AOAH: variants seen among roughly 807,000 people sequenced by gnomAD.
AOAH encodes the protein acyloxyacyl hydrolase (neutrophil).
AOAH carries 64 observed loss-of-function variants against 92.2 expected under a neutral mutation model. That is an observed-to-expected ratio of 0.69 (90% CI 0.57 to 0.86). The LOEUF is 0.86. Ranked by LOEUF, AOAH falls within the 40% of genes least tolerant of loss-of-function variation. AOAH has a pLI of 0.00. For synonymous variants in AOAH, 263 were observed against 254.5 expected (o/e 1.03, Z -0.32); for missense variants, 656 against 694.6 (o/e 0.94, Z 0.62).
At chr7:36,534,105 T>G (rs6970025) in intron 16 of AOAH, among the ~76,000 whole-genome samples, 148,911 of 152,268 alleles carry the variant, frequency 0.98, 72,915 homozygotes, top group East Asian at 1. Context: ...GGCCTGGATT[T>G]CTTTGATATC....
intron 1 of AOAH, among the ~76,000 whole-genome samples, chr7:36,722,936 A>AC: frequency 3.0e-5 from 1 of 33,386 alleles, no homozygotes; most frequent in Non-Finnish European, 6.6e-5. Flanking sequence ...TCCATCTCAG[A>AC]AAAAAAAAAA....
In AOAH at chr7:36,686,685, C is replaced by A. The variant is rs139716149; in HGVS notation, c.223+14G>T. The A allele has an allele frequency of 1.3e-6, 2 of 1,487,966 alleles. No homozygotes were observed. The highest frequency in any genetic ancestry group is 4.4e-5 in the Admixed American group (2 of 45,710). The allele number at this position is 1,487,966 out of a possible 1,614,324, so 92.2% of individuals were successfully genotyped here. A position where few individuals can be genotyped will look rare whatever the true frequency, so the allele number is the denominator to read the frequency against. ...CAAGCAGACCCTCAGCAGTATGACT[C>A]GTCCCATATTTACCAGGCAGGTAGC... On this transcript the variant is annotated intron_variant, in intron 2 of 20. Transcript: ENST00000617537.
intron 2 of AOAH, among the ~76,000 whole-genome samples, chr7:36,675,732 C>G (rs1206853236): frequency 1.3e-5 from 2 of 152,116 alleles, no homozygotes; most frequent in Admixed American, 1.3e-4. Context: ...AATATAACCA[C>G]AAAGATCCTC....
intron 1 of AOAH, among the ~76,000 whole-genome samples, chr7:36,688,825 G>GTA (rs1450454561): frequency 6.7e-6 from 1 of 150,364 alleles, no homozygotes; most frequent in African/African-American, 2.5e-5. Flanking sequence ...ATATTTATGT[G>GTA]TATATATACA....
chr7:36,722,649 T>G (rs1799702007), intron 1 of AOAH, among the ~76,000 whole-genome samples: 1 of 151,836 alleles, frequency 6.6e-6, no homozygotes, highest in African/African-American at 2.4e-5. Context: ...AAACAAGACT[T>G]TGGAGGCTGG....
At chr7:36,658,584 A>T (rs1795022303) in intron 4 of AOAH, among the ~76,000 whole-genome samples, 1 of 152,232 alleles carries the variant, frequency 6.6e-6, no homozygotes. Flanking sequence ...TAATAATGTT[A>T]TCAATAATGA....
chr7:36,620,177 A>C (rs1208973676), intron 9 of AOAH, among the ~76,000 whole-genome samples: 2 of 152,204 alleles, frequency 1.3e-5, no homozygotes, highest in Non-Finnish European at 1.5e-5. Context: ...TTAAGTAGAT[A>C]TTCTTTTTTT....
At chr7:36,564,652 G>A (rs1787551996) in intron 13 of AOAH, among the ~76,000 whole-genome samples, 1 of 152,220 alleles carries the variant, frequency 6.6e-6, no homozygotes, top group Non-Finnish European at 1.5e-5. Context: ...AGGACATCCC[G>A]CTAGGACTTC....
chr7:36,548,530 A>G (rs1785956236), intron 15 of AOAH, 82 bp downstream of exon 15: 1 of 1,163,488 alleles, frequency 8.6e-7, no homozygotes, highest in Non-Finnish European at 1.3e-6. Context: ...AGGCTGCTAT[A>G]ATGGAGTGGA....
intron 5 of AOAH, among the ~76,000 whole-genome samples, chr7:36,637,375 A>G (rs73687595): frequency 0.03 from 4,640 of 152,242 alleles, 236 homozygotes; most frequent in African/African-American, 0.11. Context: ...ACCGTGCTTA[A>G]GGTCACATTT....
Position 36,724,217 on chromosome 7 carries a change from G to T in AOAH, c.-69C>A. ...CCCAACTGAGGGATGCTGGAGCTGA[G>T]GCTGCAGAATCAATTGATCTCTCTC... On this transcript the variant is annotated 5_prime_UTR_variant, in exon 1 of 21. Transcript: ENST00000617537. The T allele has an allele frequency of 6.3e-7, 1 of 1,585,310 alleles. No individual in the cohort carries two copies. Among genetic ancestry groups the T allele is most frequent in the Non-Finnish European group, 8.6e-7 (1 of 1,159,790 alleles).
chr7:36,626,447 T>C (rs775797930), intron 6 of AOAH, among the ~76,000 whole-genome samples: 1 of 152,212 alleles, frequency 6.6e-6, no homozygotes, highest in East Asian at 1.9e-4. Context: ...ATTCTAGACA[T>C]GAGTGGGTAG....
intron 11 of AOAH, among the ~76,000 whole-genome samples, chr7:36,607,057 T>TAAAC (rs1417423639): frequency 6.6e-6 from 1 of 152,132 alleles, no homozygotes; most frequent in Non-Finnish European, 1.5e-5. Flanking sequence ...TAATTAGCTG[T>TAAAC]AAACAGGACT....
rs545474595 is a variant in AOAH at position 36,704,203 on chromosome 7, GT to G, written c.128-17410del. 3.6e-3 allele frequency among the ~76,000 whole-genome samples: 554 copies of G among 151,980 alleles called. 3 individuals are homozygous for G. Among genetic ancestry groups the G allele is most frequent in the African/African-American group, 0.013 (538 of 41,456 alleles). On this transcript the variant is annotated intron_variant, in intron 1 of 20. Transcript: ENST00000617537. ...CGCCCACTTTTTGATGGGGTTGTTT[GT>G]TTTTTTCTTGTACATTTGTTTAAGT...
In AOAH at chr7:36,544,224, C is replaced by T. The variant is rs370672013; in HGVS notation, c.1134-3733G>A. Among the ~76,000 whole-genome samples the T allele has an allele frequency of 3.9e-5, 6 of 152,130 alleles. 1 individual carries two copies. The East Asian group carries it at 5.8e-4, about 15-fold the overall frequency. On this transcript the variant is annotated intron_variant, in intron 15 of 20. Coordinates refer to ENST00000617537, the MANE Select transcript of AOAH (RefSeq NM_001637.4). ...CCTCCCAAAATGCTGGGATTACAGG[C>T]ATAAGCCACTGCGCCCGGCCCCCTG...
At chr7:36,549,591 T>G in intron 13 of AOAH, 116 bp from the exon 14 acceptor site, 1 of 693,076 alleles carries the variant, frequency 1.4e-6, no homozygotes, top group Non-Finnish European at 2.5e-6. Flanking sequence ...GGGCAAAGGT[T>G]GTTCTGACCA....
At chr7:36,672,461 G>A (rs1447812927) in intron 3 of AOAH, among the ~76,000 whole-genome samples, 3 of 152,192 alleles carry the variant, frequency 2.0e-5, no homozygotes, top group Admixed American at 6.5e-5. Flanking sequence ...ATGAGTGCTC[G>A]TCCTTTGCAG....
chr7:36,531,955 C>G (rs1276629528), intron 18 of AOAH, among the ~76,000 whole-genome samples, 192 bp downstream of exon 18: 1 of 151,920 alleles, frequency 6.6e-6, no homozygotes, highest in Non-Finnish European at 1.5e-5. Context: ...GAGGACAGAC[C>G]CAGAGCAAGA....
At chr7:36,528,581 C>T (rs1784520840) in intron 19 of AOAH, among the ~76,000 whole-genome samples, 1 of 152,120 alleles carries the variant, frequency 6.6e-6, no homozygotes. Flanking sequence ...CATTATAGAG[C>T]TCCATTTATT....
Sources: allele counts gnomAD v4.1 joint callset (sites outside exome capture counted in the v4.1 genomes callset), GRCh38; gene constraint gnomAD v4.1.1; transcripts MANE v1.5; gene names NCBI Gene and HGNC (gene_info 2026-07-23, HGNC 2026-07-21).